Variants in SIN3A observed in about 807,000 individuals in gnomAD.
The protein encoded by SIN3A is paired amphipathic helix protein Sin3a.
In SIN3A, 14 loss-of-function variants were observed where a neutral mutation model predicts 146.1. The ratio of observed to expected loss-of-function variants is 0.10; its 90% CI spans 0.06 to 0.15. SIN3A has a LOEUF of 0.15. Among genes scored for constraint, SIN3A ranks in the 10% least tolerant of loss-of-function variants. The pLI, the probability that SIN3A is intolerant of heterozygous loss-of-function variation, is 1.00. For synonymous variants in SIN3A, 572 were observed against 572.0 expected (o/e 1.00, Z 0.00); for missense variants, 1,028 against 1,576.0 (o/e 0.65, Z 5.89).
chr15:75,401,950 A>G lies in SIN3A; in HGVS notation c.1428T>C (p.Ser476=), dbSNP rs58376508. ...GTAGGAAATTTTCGTAGGCTTCTGC[A>G]CTCCGAAGAGCCTTTCGGACCTTAT... ...FFDKVRKALR[S]AEAYENFLRC... The change falls in exon 10 of 21, where the codon AGT becomes AGC. Residue 476 remains serine (S), a synonymous_variant. Transcript: ENST00000394947. 1,967 of 1,612,618 alleles carry G rather than the reference A, an allele frequency of 1.2e-3. 18 individuals carry two copies. In the African/African-American group the frequency reaches 0.022, roughly 18 times the overall value.
At chr15:75,401,524 G>C (rs2073411974) in intron 10 of SIN3A, among the ~76,000 whole-genome samples, 1 of 151,640 alleles carries the variant, frequency 6.6e-6, no homozygotes, top group African/African-American at 2.4e-5. Flanking sequence ...ACAAGAGTGA[G>C]ACTTCATCTC....
At chr15:75,429,263 T>C (rs1271608213) in intron 2 of SIN3A, among the ~76,000 whole-genome samples, 2 of 151,818 alleles carry the variant, frequency 1.3e-5, no homozygotes, top group African/African-American at 4.8e-5. Context: ...TCTACAAAAA[T>C]CATAAAAATT....
chr15:75,429,126 A>AGTTTTAGGGCC lies in SIN3A; in HGVS notation c.189+1060_189+1061insGGCCCTAAAAC, dbSNP rs2073972665. Among the ~76,000 whole-genome samples, 5 of 152,342 alleles carry AGTTTTAGGGCC rather than the reference A, an allele frequency of 3.3e-5. No individual in the cohort carries two copies. In the East Asian group the frequency reaches 9.6e-4, roughly 29 times the overall value. ...TGTATTTAAGTTTTAGGGGAGTCAA[A>AGTTTTAGGGCC]AATTATACATTGGCCAGACGCAGTG... is the stretch of plus-strand genomic sequence containing the variant. On this transcript the variant is annotated intron_variant, in intron 2 of 20. Transcript: ENST00000394947.
At chr15:75,401,753 T>C (rs2073415528) in intron 10 of SIN3A, 99 bp downstream of exon 10, 1 of 739,432 alleles carries the variant, frequency 1.4e-6, no homozygotes, top group African/African-American at 1.8e-5. Flanking sequence ...AACTGATGTA[T>C]CTCAAGTAAA....
chr15:75,375,428 A>G (rs2072836470), intron 20 of SIN3A, among the ~76,000 whole-genome samples: 1 of 152,168 alleles, frequency 6.6e-6, no homozygotes, highest in Non-Finnish European at 1.5e-5. Context: ...AAAGGAACCA[A>G]CACTGCTGAC....
chr15:75,386,084 C>T (rs974110662), intron 16 of SIN3A, among the ~76,000 whole-genome samples: 3 of 152,184 alleles, frequency 2.0e-5, no homozygotes, highest in East Asian at 1.9e-4. Flanking sequence ...GCAGTGGCAT[C>T]GTGATCTTGG....
chr15:75,400,628 C>A, intron 11 of SIN3A, 102 bp downstream of exon 11: 7 of 843,774 alleles, frequency 8.3e-6, no homozygotes, highest in Non-Finnish European at 1.3e-5. Context: ...TAAAAGGGTT[C>A]TTAATTTCAT....
chr15:75,400,253 A>C, intron 11 of SIN3A, 97 bp from the exon 12 acceptor site: 1 of 691,330 alleles, frequency 1.4e-6, no homozygotes, highest in Non-Finnish European at 2.6e-6. Flanking sequence ...GCAGAGAAAT[A>C]GGCAACTAAT....
At chr15:75,419,375 G>C (rs751224064) in intron 3 of SIN3A, 1 of 152,102 alleles carries the variant, frequency 6.6e-6, no homozygotes, top group Non-Finnish European at 1.5e-5. Flanking sequence ...CAAAAGAACA[G>C]TTATCAATAA....
chr15:75,430,442 A>G (rs1282111114), intron 1 of SIN3A, 34 bp from the exon 2 acceptor site: 1 of 1,497,700 alleles, frequency 6.7e-7, no homozygotes, highest in East Asian at 2.3e-5. Context: ...ATGCAAGTCA[A>G]TTCTCACTCC....
chr15:75,448,298 G>A (rs894824077), intron 1 of SIN3A: 7 of 152,080 alleles, frequency 4.6e-5, no homozygotes, highest in African/African-American at 1.7e-4. Context: ...AGGAGTCTGC[G>A]ACCAACCTGA....
chr15:75,395,328 C>A (rs2073282017), intron 13 of SIN3A, among the ~76,000 whole-genome samples: 1 of 151,378 alleles, frequency 6.6e-6, no homozygotes, highest in South Asian at 2.1e-4. Flanking sequence ...CAGACTAAGA[C>A]AAAAAAAAGC....
intron 12 of SIN3A, 114 bp from the exon 13 acceptor site, chr15:75,396,610 G>A (rs1460129332): frequency 1.4e-6 from 1 of 718,490 alleles, no homozygotes; most frequent in African/African-American, 1.8e-5. Flanking sequence ...TCCTGGTTCT[G>A]CCCTACTAGC....
Position 75,448,482 on chromosome 15 carries a change from G to A in SIN3A, c.-34+2941C>T, listed in dbSNP as rs374487090. Among the ~76,000 whole-genome samples, 44 of 147,614 alleles carry A rather than the reference G, an allele frequency of 3.0e-4. 1 individual carries two copies. The East Asian group carries it at 7.5e-3, about 25-fold the overall frequency. ...GCACTCCAGCCTGGGAGACAGAGCA[G>A]GACTCCATCTCAAAAAAAAAAAAAA... On this transcript the variant is annotated intron_variant, in intron 1 of 20. Transcript: ENST00000394947.
chr15:75,380,961 C>T, intron 18 of SIN3A: 1 of 355,836 alleles, frequency 2.8e-6, no homozygotes. Flanking sequence ...AAGTCATAAA[C>T]AGGTAGAAGC....
intron 1 of SIN3A, among the ~76,000 whole-genome samples, chr15:75,448,730 T>C (rs1336339273): frequency 6.6e-6 from 1 of 152,182 alleles, no homozygotes; most frequent in African/African-American, 2.4e-5. Context: ...GCCAGGGATA[T>C]AACCTCTTAA....
chr15:75,429,116 G>A (rs1364876064), intron 2 of SIN3A, among the ~76,000 whole-genome samples: 1 of 152,092 alleles, frequency 6.6e-6, no homozygotes, highest in Non-Finnish European at 1.5e-5. Flanking sequence ...TTAAGTTTTA[G>A]GGGAGTCAAA....
At chr15:75,431,308 C>T (rs999446408) in intron 1 of SIN3A, among the ~76,000 whole-genome samples, 1 of 152,162 alleles carries the variant, frequency 6.6e-6, no homozygotes. Flanking sequence ...ACAGATCACT[C>T]CTAAATTTTC....
Position 75,410,250 on chromosome 15 carries a change from A to G in SIN3A, c.1045T>C (p.Tyr349His). ...QRNAKEAGGNYTPALTEQEVY... is the reference protein window; with the variant it reads ...QRNAKEAGGNHTPALTEQEVY... ...TCCTGCTCTGTCAATGCTGGAGTGT[A>G]GTTTCCTCCAGCTTCCTTGGCATTT... Residue 349 changes from tyrosine (Y) to histidine (H), a missense_variant, in exon 7 of 21, where the codon TAC (tyrosine) becomes CAC (histidine). Tyr to His is a moderately conservative substitution (Grantham distance 83, BLOSUM62 2). Transcript: ENST00000394947. The G allele has an allele frequency of 6.2e-7, 1 of 1,613,730 alleles. No homozygotes were observed. The highest frequency in any genetic ancestry group is 1.1e-5 in the South Asian group (1 of 90,920).
Sources: gnomAD v4.1 joint callset for allele counts (sites outside exome capture counted in the v4.1 genomes callset) on GRCh38, gnomAD v4.1.1 for gene constraint, MANE v1.5 for transcripts, NCBI Gene and HGNC (gene_info 2026-07-23, HGNC 2026-07-21) for gene names.